PLXDC2: variants seen among roughly 807,000 people sequenced by gnomAD.
PLXDC2 encodes the protein plexin domain-containing protein 2.
A neutral mutation model predicts 68.9 loss-of-function variants in PLXDC2; 40 were observed. That is an observed-to-expected ratio of 0.58 (90% CI 0.45 to 0.76). PLXDC2 has a LOEUF of 0.76. PLXDC2 is among the 30% of genes least tolerant of loss of function. PLXDC2 has a pLI of 0.00. For synonymous variants in PLXDC2, 243 were observed against 234.2 expected, an observed-to-expected ratio of 1.04 and a Z score of -0.34; for missense variants, 644 against 661.9, an observed-to-expected ratio of 0.97 and a Z score of 0.30.
intron 2 of PLXDC2, among the ~76,000 whole-genome samples, chr10:20,013,213 T>C (rs1261555461): frequency 2.6e-5 from 4 of 152,208 alleles, no homozygotes; most frequent in Admixed American, 1.3e-4. Flanking sequence ...CCTGCCTACA[T>C]AGCGTCTATC....
intron 1 of PLXDC2, among the ~76,000 whole-genome samples, chr10:19,925,815 A>G (rs1393880775): frequency 2.0e-5 from 3 of 152,222 alleles, no homozygotes; most frequent in African/African-American, 7.2e-5. Context: ...GGTGAGGAAT[A>G]GCATTCACCG....
Position 20,279,838 on chromosome 10 carries a change from A to C in PLXDC2, c.*19A>C, listed in dbSNP as rs928243663. On this transcript the variant is annotated 3_prime_UTR_variant, in exon 14 of 14. Coordinates refer to ENST00000377252, the MANE Select transcript of PLXDC2 (RefSeq NM_032812.9). Reference sequence around the variant, plus strand: ...GTGCTAAAATTTCTAGGACAGAACAACACCAGTACTGGTTTACAGGTGTTA... The same window carrying C: ...GTGCTAAAATTTCTAGGACAGAACACCACCAGTACTGGTTTACAGGTGTTA... 8.1e-6 allele frequency: 13 copies of C among 1,603,668 alleles called. No individual in the cohort carries two copies. Among genetic ancestry groups the C allele is most frequent in the Non-Finnish European group, 1.1e-5 (13 of 1,170,788 alleles).
intron 3 of PLXDC2, among the ~76,000 whole-genome samples, chr10:20,063,670 G>T (rs1208800965): frequency 6.6e-6 from 1 of 152,186 alleles, no homozygotes; most frequent in East Asian, 1.9e-4. Context: ...AAGAAGGCAA[G>T]AAGAGGTGTA....
At chr10:20,171,471 C>G (rs1265570276) in intron 7 of PLXDC2, among the ~76,000 whole-genome samples, 1 of 152,130 alleles carries the variant, frequency 6.6e-6, no homozygotes, top group Non-Finnish European at 1.5e-5. Flanking sequence ...AAATAGAAAT[C>G]ATGATGTTTT....
intron 2 of PLXDC2, among the ~76,000 whole-genome samples, chr10:20,019,615 G>A (rs1241318300): frequency 6.6e-6 from 1 of 152,098 alleles, no homozygotes; most frequent in African/African-American, 2.4e-5. Context: ...AAAAGAGAGA[G>A]AAAAAGACAT....
intron 1 of PLXDC2, among the ~76,000 whole-genome samples, chr10:19,942,368 T>C (rs1833833693): frequency 6.6e-6 from 1 of 152,212 alleles, no homozygotes; most frequent in African/African-American, 2.4e-5. Context: ...AAGTACACTA[T>C]CTTATGGAGG....
intron 2 of PLXDC2, among the ~76,000 whole-genome samples, chr10:20,040,967 T>C (rs186162749): frequency 6.6e-6 from 1 of 152,208 alleles, no homozygotes; most frequent in Non-Finnish European, 1.5e-5. Flanking sequence ...AAACATTAGA[T>C]AGTTATTTTT....
At chr10:20,263,278 A>G (rs1835831923) in intron 13 of PLXDC2, among the ~76,000 whole-genome samples, 1 of 152,160 alleles carries the variant, frequency 6.6e-6, no homozygotes, top group Non-Finnish European at 1.5e-5. Context: ...TATTCAATAA[A>G]TGGTGCTGGG....
At chr10:20,032,278 A>G (rs1835512121) in intron 2 of PLXDC2, among the ~76,000 whole-genome samples, 1 of 152,250 alleles carries the variant, frequency 6.6e-6, no homozygotes, top group Admixed American at 6.5e-5. Flanking sequence ...GTTGGAGAAT[A>G]TGGACATATT....
intron 1 of PLXDC2, among the ~76,000 whole-genome samples, chr10:19,927,814 A>AT (rs915137146): frequency 2.0e-5 from 3 of 150,474 alleles, no homozygotes; most frequent in African/African-American, 7.4e-5. Context: ...TTTTATATAC[A>AT]TTTTTTATTT....
intron 3 of PLXDC2, among the ~76,000 whole-genome samples, chr10:20,056,486 C>T (rs1362649801): frequency 6.6e-6 from 1 of 152,198 alleles, no homozygotes; most frequent in Non-Finnish European, 1.5e-5. Flanking sequence ...AGTTAACCAA[C>T]TCCTTTTACT....
chr10:20,079,049 A>G (rs1353056320), intron 4 of PLXDC2, among the ~76,000 whole-genome samples: 5 of 152,188 alleles, frequency 3.3e-5, no homozygotes, highest in Non-Finnish European at 7.3e-5. Flanking sequence ...AAAAAAATGC[A>G]TATAATAAAA....
At chr10:19,887,731 C>T (rs1421678347) in intron 1 of PLXDC2, among the ~76,000 whole-genome samples, 2 of 152,154 alleles carry the variant, frequency 1.3e-5, no homozygotes, top group Non-Finnish European at 2.9e-5. Flanking sequence ...CTCAAAATAT[C>T]GATAGTGGCA....
intron 6 of PLXDC2, among the ~76,000 whole-genome samples, chr10:20,158,434 G>A (rs957544811): frequency 1.4e-5 from 2 of 144,228 alleles, no homozygotes; most frequent in Non-Finnish European, 3.0e-5. Context: ...CACACATAAT[G>A]TCTTTGTTAT....
intron 3 of PLXDC2, among the ~76,000 whole-genome samples, chr10:20,061,491 G>A (rs1233730667): frequency 6.6e-6 from 1 of 152,126 alleles, no homozygotes; most frequent in Non-Finnish European, 1.5e-5. Context: ...CTCATTAGTG[G>A]TGAGGTTAAT....
chr10:20,103,491 G>A (rs1439465822), intron 4 of PLXDC2, among the ~76,000 whole-genome samples: 2 of 151,992 alleles, frequency 1.3e-5, no homozygotes, highest in Non-Finnish European at 2.9e-5. Flanking sequence ...TCCAGAGATA[G>A]CAGTTTTAAC....
At chr10:20,058,005 T>TA (rs1252690489) in intron 3 of PLXDC2, among the ~76,000 whole-genome samples, 3 of 151,926 alleles carry the variant, frequency 2.0e-5, no homozygotes, top group South Asian at 2.1e-4. Flanking sequence ...AATTTTTTTT[T>TA]AAAAAAAGAG....
At chr10:20,196,210 G>C (rs926092868) in intron 9 of PLXDC2, among the ~76,000 whole-genome samples, 1 of 152,070 alleles carries the variant, frequency 6.6e-6, no homozygotes, top group Non-Finnish European at 1.5e-5. Flanking sequence ...TTGGATGCTG[G>C]AAAGGACCTT....
At chr10:19,836,957 CTTTA>C (rs1043920715) in intron 1 of PLXDC2, among the ~76,000 whole-genome samples, 2 of 152,130 alleles carry the variant, frequency 1.3e-5, no homozygotes, top group African/African-American at 4.8e-5. Context: ...ACTTTCTAGC[CTTTA>C]TTTGTGTTTA....
Sources: allele counts gnomAD v4.1 joint callset (sites outside exome capture counted in the v4.1 genomes callset), GRCh38; gene constraint gnomAD v4.1.1; transcripts MANE v1.5; gene names NCBI Gene and HGNC (gene_info 2026-07-23, HGNC 2026-07-21).